Variants in PXDNL observed in about 807,000 individuals in gnomAD.
The protein encoded by PXDNL is peroxidasin like, also known as probable oxidoreductase PXDNL.
A neutral mutation model predicts 150.8 loss-of-function variants in PXDNL; 145 were observed. The ratio of observed to expected loss-of-function variants is 0.96; its 90% CI spans 0.84 to 1.10. The LOEUF (loss-of-function observed/expected upper bound fraction) is 1.10, where lower values mean the gene tolerates loss of function less well. Among genes scored for constraint, PXDNL ranks in the 50% least tolerant of loss-of-function variants. PXDNL has a pLI of 0.00. For missense variants in PXDNL, 2,087 were observed against 1,873.9 expected (o/e 1.11, Z -2.10); for synonymous variants, 757 against 725.7 (o/e 1.04, Z -0.69).
At chr8:51,400,997 C>T (rs1430595848) in intron 17 of PXDNL, among the ~76,000 whole-genome samples, 1 of 152,172 alleles carries the variant, frequency 6.6e-6, no homozygotes, top group Non-Finnish European at 1.5e-5. Flanking sequence ...CCCACTTCCC[C>T]TAATGAAATA....
At chr8:51,496,459 G>C (rs1200033039) in intron 5 of PXDNL, among the ~76,000 whole-genome samples, 1 of 152,110 alleles carries the variant, frequency 6.6e-6, no homozygotes, top group Non-Finnish European at 1.5e-5. Flanking sequence ...GAAATAAAGG[G>C]TATTCAATCA....
intron 2 of PXDNL, among the ~76,000 whole-genome samples, chr8:51,628,624 C>T (rs560524361): frequency 4.4e-4 from 66 of 151,684 alleles, no homozygotes; most frequent in Non-Finnish European, 3.8e-4. Flanking sequence ...AGGAGGATCT[C>T]GATCTCCTGA....
chr8:51,757,663 G>GT (rs1195317930), intron 1 of PXDNL, among the ~76,000 whole-genome samples: 1 of 152,140 alleles, frequency 6.6e-6, no homozygotes, highest in Non-Finnish European at 1.5e-5. Context: ...CAATTGGCTT[G>GT]TTTTTATTAC....
chr8:51,800,320 C>T (rs2037605109), intron 1 of PXDNL, among the ~76,000 whole-genome samples: 1 of 152,126 alleles, frequency 6.6e-6, no homozygotes, highest in Non-Finnish European at 1.5e-5. Context: ...TATTGTCTAT[C>T]TTCTCTGTTC....
At chr8:51,477,534 C>A (rs1421264028) in intron 6 of PXDNL, among the ~76,000 whole-genome samples, 1 of 152,158 alleles carries the variant, frequency 6.6e-6, no homozygotes. Context: ...GGCTATAAAA[C>A]AAATCTAGTT....
At position 51,324,670 on chromosome 8, in the gene PXDNL, T is replaced by C. The variant is rs562721020; in HGVS notation, c.4147-3773A>G. Among the ~76,000 whole-genome samples the C allele has an allele frequency of 2.0e-5, 3 of 152,330 alleles. No homozygotes were observed. The South Asian group carries it at 6.2e-4, about 32-fold the overall frequency. On this transcript the variant is annotated intron_variant, in intron 21 of 22. Transcript: ENST00000356297. ...AATGTATAATTGCTAGTCTTCTATC[T>C]TCCAGTTCACTGATTCTTTCCCCTC...
At chr8:51,792,213 C>T (rs952537033) in intron 1 of PXDNL, among the ~76,000 whole-genome samples, 11 of 151,958 alleles carry the variant, frequency 7.2e-5, no homozygotes, top group African/African-American at 2.7e-4. Context: ...GTGAATCCTG[C>T]ACCACAACTG....
At position 51,411,363 on chromosome 8, in the gene PXDNL, G is replaced by A. The variant is rs372273838; in HGVS notation, c.1949C>T (p.Pro650Leu). 5.6e-5 allele frequency: 89 copies of A among 1,579,944 alleles called. No homozygotes were observed. Among genetic ancestry groups the A allele is most frequent in the African/African-American group, 4.9e-4 (36 of 72,762 alleles). ...SSDLLAQFHY[P>L]RDPLIVEMAR... ...CATTTCCACAATCAGTGGGTCACGC[G>A]GGTAATGAAATTGAGCCAGCAGGTC... The change falls in exon 16 of 23, where the codon CCG (proline) becomes CTG (leucine). Residue 650 changes from proline to leucine, a missense_variant. By Grantham distance (98) the Pro-to-Leu change is moderately conservative (BLOSUM62 -3). Coordinates refer to ENST00000356297, the MANE Select transcript of PXDNL (RefSeq NM_144651.5).
In PXDNL at chr8:51,426,750, C is replaced by G. The variant is rs374488351; in HGVS notation, c.1534G>C (p.Val512Leu). The part of the protein sequence containing the change: ...QLTVKPKALA[V>L]FTQLPQDTSV... ...GTATCCTGAGGAAGTTGAGTAAACA[C>G]TGCAAGAGCTGTGGAAACAAACCAA... The change falls in exon 13 of 23, where the codon GTG becomes CTG. Residue 512 changes from valine (V) to leucine (L), a missense_variant. Transcript: ENST00000356297. 6.3e-7 allele frequency: 1 copy of G among 1,581,426 alleles called. No homozygotes were observed.
At chr8:51,346,138 T>C (rs773247152) in intron 19 of PXDNL, among the ~76,000 whole-genome samples, 191 bp from the exon 20 acceptor site, 1 of 152,222 alleles carries the variant, frequency 6.6e-6, no homozygotes, top group Admixed American at 6.5e-5. Flanking sequence ...TGCTTTTGCA[T>C]GTCACTGAAT....
At chr8:51,380,076 G>T (rs7005844) in intron 17 of PXDNL, among the ~76,000 whole-genome samples, 6,927 of 151,744 alleles carry the variant, frequency 0.046, 499 homozygotes, top group African/African-American at 0.16. Context: ...AAAAGAAGAA[G>T]TGTCTTGGGC....
chr8:51,483,796 A>C, intron 5 of PXDNL, 82 bp from the exon 6 acceptor site: 1 of 771,284 alleles, frequency 1.3e-6, no homozygotes, highest in Middle Eastern at 3.8e-4. Flanking sequence ...CCTAACTGTG[A>C]ATCCAATACC....
At chr8:51,460,435 A>G (rs1239128502) in intron 8 of PXDNL, among the ~76,000 whole-genome samples, 1 of 139,382 alleles carries the variant, frequency 7.2e-6, no homozygotes, top group African/African-American at 2.7e-5. Flanking sequence ...AGTGTGGAAG[A>G]CAGCCAACTA....
chr8:51,803,072 A>C (rs1245575805), intron 1 of PXDNL, among the ~76,000 whole-genome samples: 1 of 152,190 alleles, frequency 6.6e-6, no homozygotes, highest in Non-Finnish European at 1.5e-5. Flanking sequence ...TGGGGCCAGA[A>C]GCATCAATGT....
intron 21 of PXDNL, 143 bp downstream of exon 21, chr8:51,339,481 A>C: frequency 2.4e-6 from 2 of 822,220 alleles, no homozygotes; most frequent in Middle Eastern, 2.4e-4. Flanking sequence ...AGTAAAAACA[A>C]AAAAAAAGCA....
At chr8:51,515,839 T>A (rs1041417394) in intron 4 of PXDNL, among the ~76,000 whole-genome samples, 1 of 152,218 alleles carries the variant, frequency 6.6e-6, no homozygotes, top group African/African-American at 2.4e-5. Flanking sequence ...TTGTGATCAT[T>A]TTGATATCAG....
chr8:51,784,019 A>T (rs970034819), intron 1 of PXDNL, among the ~76,000 whole-genome samples: 1 of 152,030 alleles, frequency 6.6e-6, no homozygotes. Context: ...AAAAAAATCA[A>T]TTTGAAAAAC....
intron 1 of PXDNL, among the ~76,000 whole-genome samples, chr8:51,742,407 T>A (rs755722409): frequency 1.3e-5 from 2 of 152,040 alleles, no homozygotes; most frequent in Non-Finnish European, 2.9e-5. Flanking sequence ...AAACAGAAAA[T>A]CTGAATAATA....
At position 51,513,665 on chromosome 8, in the gene PXDNL, T is replaced by C. The variant is rs529735827; in HGVS notation, c.381-13895A>G. ...AATAGTGAAAGAGAACAACACACTA[T>C]AGATTAGTATTGGCATGCATGCATG... On this transcript the variant is annotated intron_variant, in intron 4 of 22. Transcript: ENST00000356297. Among the ~76,000 whole-genome samples the C allele has an allele frequency of 3.4e-3, 524 of 152,328 alleles. 2 individuals carry two copies. The highest frequency in any genetic ancestry group is 5.5e-3 in the Non-Finnish European group (373 of 68,018).
Sources: gnomAD v4.1 joint callset for allele counts (sites outside exome capture counted in the v4.1 genomes callset) on GRCh38, gnomAD v4.1.1 for gene constraint, MANE v1.5 for transcripts, NCBI Gene and HGNC (gene_info 2026-07-23, HGNC 2026-07-21) for gene names.